Variants in TASP1 observed in about 807,000 individuals in gnomAD.
TASP1 encodes the protein taspase 1, also known as threonine aspartase 1.
In TASP1, 16 loss-of-function variants were observed where a neutral mutation model predicts 56.6. The ratio of observed to expected loss-of-function variants is 0.28; its 90% CI spans 0.19 to 0.43. TASP1 has a LOEUF of 0.43. Ranked by LOEUF, TASP1 falls within the 20% of genes least tolerant of loss-of-function variation. The pLI is 1.00. For synonymous variants in TASP1, 179 were observed against 184.2 expected (o/e 0.97, Z 0.23); for missense variants, 393 against 511.6 (o/e 0.77, Z 2.24).
chr20:13,476,758 G>A (rs1173186883), intron 11 of TASP1, among the ~76,000 whole-genome samples: 18 of 152,040 alleles, frequency 1.2e-4, no homozygotes. Flanking sequence ...ATTGCCCAAA[G>A]AGATACGCTT....
the TASP1 span, among the ~76,000 whole-genome samples, chr20:13,158,674 C>G: frequency 6.6e-6 from 1 of 152,186 alleles, no homozygotes; most frequent in Non-Finnish European, 1.5e-5. Context: ...GCTTCATCTC[C>G]TTCTAACCTT....
chr20:13,365,066 T>G, the TASP1 span, among the ~76,000 whole-genome samples: 2 of 152,346 alleles, frequency 1.3e-5, no homozygotes, highest in East Asian at 3.9e-4. Context: ...GAAAATTCAA[T>G]TGGACCAAAG....
the TASP1 span, among the ~76,000 whole-genome samples, chr20:13,281,720 G>C: frequency 6.6e-6 from 1 of 152,200 alleles, no homozygotes; most frequent in Admixed American, 6.5e-5. Flanking sequence ...ATAGGAATGG[G>C]AGGAAAAGAT....
the TASP1 span, among the ~76,000 whole-genome samples, chr20:13,253,889 ATGTT>A: frequency 1.3e-5 from 2 of 151,728 alleles, no homozygotes; most frequent in Non-Finnish European, 2.9e-5. Context: ...GTGTGTGTGT[ATGTT>A]TATACACACA....
the TASP1 span, among the ~76,000 whole-genome samples, chr20:13,115,917 T>C: frequency 6.6e-6 from 1 of 152,170 alleles, no homozygotes; most frequent in Non-Finnish European, 1.5e-5. Flanking sequence ...AGCTCACAGT[T>C]AGTAAGCTTA....
chr20:13,114,788 T>C, the TASP1 span, among the ~76,000 whole-genome samples: 1 of 152,320 alleles, frequency 6.6e-6, no homozygotes, highest in Non-Finnish European at 1.5e-5. Flanking sequence ...CAAGGAGATT[T>C]TTCCACCATG....
chr20:13,303,571 C>T, the TASP1 span, among the ~76,000 whole-genome samples: 17 of 152,204 alleles, frequency 1.1e-4, no homozygotes, highest in African/African-American at 3.6e-4. Context: ...TCCAGCACTG[C>T]ACCTGGCATG....
the TASP1 span, among the ~76,000 whole-genome samples, chr20:13,130,416 A>C: frequency 6.6e-6 from 1 of 152,240 alleles, no homozygotes; most frequent in Non-Finnish European, 1.5e-5. Flanking sequence ...TTTGGGGAGC[A>C]GTTGGCCAGA....
At chr20:13,506,182 C>T (rs960887714) in intron 10 of TASP1, among the ~76,000 whole-genome samples, 1 of 151,844 alleles carries the variant, frequency 6.6e-6, no homozygotes, top group African/African-American at 2.4e-5. Flanking sequence ...ATATAATCTA[C>T]CAACATTGAA....
At chr20:13,267,204 T>C in the TASP1 span, among the ~76,000 whole-genome samples, 3 of 152,232 alleles carry the variant, frequency 2.0e-5, no homozygotes, top group African/African-American at 7.2e-5. Context: ...TAAATATGTT[T>C]TGAAAGAGGT....
the TASP1 span, among the ~76,000 whole-genome samples, chr20:13,375,789 G>T: frequency 1.3e-5 from 2 of 152,184 alleles, no homozygotes; most frequent in African/African-American, 4.8e-5. Flanking sequence ...ACTGGCATGA[G>T]ACAGTATCTC....
the TASP1 span, among the ~76,000 whole-genome samples, chr20:13,247,091 T>G: frequency 6.6e-6 from 1 of 151,818 alleles, no homozygotes; most frequent in Non-Finnish European, 1.5e-5. Flanking sequence ...CAAAGCCAGG[T>G]GTGGTGGCAC....
chr20:13,435,125 C>T lies in TASP1; in HGVS notation c.1015G>A (p.Val339Met), dbSNP rs749925651. Residue 339 changes from valine (V) to methionine (M), a missense_variant, in exon 12 of 14, where the codon GTG becomes ATG. By Grantham distance (21) the Val-to-Met change is conservative. This residue lies in a region of TASP1 where 293 missense variants were observed against 354.2 expected (regional missense o/e 0.83). Coordinates refer to ENST00000337743, the MANE Select transcript of TASP1 (RefSeq NM_017714.3). Reference sequence around the variant, plus strand: ...CGGAGGACAATCACTCCGCCAAGCACGCCATCTTCACTGGCAAGGAAAGGT... The same window carrying T: ...CGGAGGACAATCACTCCGCCAAGCATGCCATCTTCACTGGCAAGGAAAGGT... ...SSPFLASEDG[V>M]LGGVIVLRSC... 12 of 1,608,142 alleles carry T rather than the reference C, an allele frequency of 7.5e-6. No individual in the cohort carries two copies. Among genetic ancestry groups the T allele is most frequent in the East Asian group, 2.2e-5 (1 of 44,512 alleles).
At chr20:13,329,071 C>A in the TASP1 span, among the ~76,000 whole-genome samples, 44 of 152,166 alleles carry the variant, frequency 2.9e-4, no homozygotes, top group African/African-American at 1.1e-3. Context: ...GCATTTGTAG[C>A]CTTTGGCATA....
At chr20:13,373,455 AGTT>A in the TASP1 span, among the ~76,000 whole-genome samples, 4 of 59,694 alleles carry the variant, frequency 6.7e-5, no homozygotes, top group Admixed American at 2.1e-4. Context: ...AAATTCTTTC[AGTT>A]TTTTTTTTTT....
chr20:13,578,321 T>C (rs1340544609), intron 6 of TASP1, among the ~76,000 whole-genome samples: 2 of 152,112 alleles, frequency 1.3e-5, no homozygotes, highest in Non-Finnish European at 2.9e-5. Flanking sequence ...TTTACTGATT[T>C]TTAAAATTTG....
intron 10 of TASP1, among the ~76,000 whole-genome samples, chr20:13,488,348 A>C (rs926288572): frequency 9.2e-5 from 14 of 152,168 alleles, no homozygotes; most frequent in African/African-American, 2.9e-4. Flanking sequence ...AAAAATTTTT[A>C]AATTAAACTG....
chr20:13,566,137 G>C (rs2046520979), intron 7 of TASP1, among the ~76,000 whole-genome samples: 1 of 152,064 alleles, frequency 6.6e-6, no homozygotes, highest in Non-Finnish European at 1.5e-5. Context: ...AGAATTCATA[G>C]AGACAAAAAT....
chr20:13,361,928 C>T, the TASP1 span, among the ~76,000 whole-genome samples: 2 of 152,048 alleles, frequency 1.3e-5, no homozygotes, highest in East Asian at 3.8e-4. Context: ...AGACCTTTTA[C>T]ACCTGTTTTT....
Sources: gnomAD v4.1 joint callset for allele counts (sites outside exome capture counted in the v4.1 genomes callset) on GRCh38, gnomAD v4.1.1 for gene constraint, gnomAD v4.1.1 regional missense constraint, MANE v1.5 for transcripts, NCBI Gene and HGNC (gene_info 2026-07-23, HGNC 2026-07-21) for gene names.